Variants in UBE3A observed in about 807,000 individuals in gnomAD.
UBE3A encodes the protein ubiquitin protein ligase E3A.
UBE3A carries 6 observed loss-of-function variants against 83.4 expected under a neutral mutation model. That is an observed-to-expected ratio of 0.07 (90% CI 0.04 to 0.14). The LOEUF is 0.14. UBE3A is among the 10% of genes least tolerant of loss of function. The pLI is 1.00. For missense variants in UBE3A, 456 were observed against 1,036.1 expected, an observed-to-expected ratio of 0.44 and a Z score of 7.69; for synonymous variants, 337 against 355.4, an observed-to-expected ratio of 0.95 and a Z score of 0.58.
intron 1 of UBE3A, chr15:25,419,093 C>G (rs570090642): frequency 1.8e-4 from 27 of 152,164 alleles, no homozygotes; most frequent in African/African-American, 6.5e-4. Context: ...AATCCCTGAC[C>G]AAATGAGAGA....
intron 8 of UBE3A, 120 bp from the exon 9 acceptor site, chr15:25,356,176 G>T: frequency 1.6e-6 from 2 of 1,251,900 alleles, no homozygotes; most frequent in Non-Finnish European, 2.3e-6. Context: ...AAAAAGTGTA[G>T]ACAGTATCCC....
At chr15:25,420,779 A>G (rs2153149809) in intron 1 of UBE3A, 1 of 152,328 alleles carries the variant, frequency 6.6e-6, no homozygotes, top group South Asian at 2.1e-4. Context: ...TACAATTACC[A>G]CATGACCCAG....
At chr15:25,363,604 T>G (rs1416118742) in intron 6 of UBE3A, among the ~76,000 whole-genome samples, 1 of 152,192 alleles carries the variant, frequency 6.6e-6, no homozygotes, top group Non-Finnish European at 1.5e-5. Flanking sequence ...ACAGAGATAC[T>G]AATCCAGGAA....
intron 5 of UBE3A, among the ~76,000 whole-genome samples, chr15:25,372,156 T>C (rs2080402075): frequency 6.6e-6 from 1 of 152,228 alleles, no homozygotes; most frequent in African/African-American, 2.4e-5. Flanking sequence ...TGTCATGTAC[T>C]GATTAATCAT....
chr15:25,397,715 C>T (rs1043590642), intron 4 of UBE3A, among the ~76,000 whole-genome samples: 1 of 152,164 alleles, frequency 6.6e-6, no homozygotes, highest in African/African-American at 2.4e-5. Flanking sequence ...ATTTGAAACT[C>T]ATGTCATCTA....
chr15:25,360,992 T>C (rs1486168390), intron 6 of UBE3A, among the ~76,000 whole-genome samples: 5 of 152,140 alleles, frequency 3.3e-5, no homozygotes, highest in African/African-American at 9.7e-5. Flanking sequence ...AAAAATACAC[T>C]GAATACTAAA....
At chr15:25,391,048 T>C (rs12592675) in intron 4 of UBE3A, among the ~76,000 whole-genome samples, 146,612 of 152,264 alleles carry the variant, frequency 0.96, 70,824 homozygotes, top group East Asian at 1. Flanking sequence ...AATATTTGTA[T>C]ACCCATGTTT....
intron 1 of UBE3A, chr15:25,438,067 AAT>A (rs1342860848): frequency 6.6e-6 from 1 of 152,328 alleles, no homozygotes; most frequent in Non-Finnish European, 1.5e-5. Context: ...CACACGGCTA[AAT>A]ATGTCTTCCC....
chr15:25,407,313 CTT>C (rs1453302394), intron 3 of UBE3A: 33 of 1,013,176 alleles, frequency 3.3e-5, no homozygotes, highest in Non-Finnish European at 3.9e-5. Flanking sequence ...GGCAGCAAAA[CTT>C]TCAAAATTAA....
intron 1 of UBE3A, chr15:25,418,208 G>C (rs1880628457): frequency 6.6e-6 from 1 of 152,030 alleles, no homozygotes; most frequent in African/African-American, 2.4e-5. Flanking sequence ...TGATCTCGTT[G>C]ACTGAAATGT....
intron 1 of UBE3A, among the ~76,000 whole-genome samples, chr15:25,437,444 G>A (rs1170743690): frequency 6.6e-6 from 1 of 151,884 alleles, no homozygotes; most frequent in African/African-American, 2.4e-5. Flanking sequence ...TAAACTTTAG[G>A]TCGTCTCCCA....
At chr15:25,424,229 T>C (rs1056952205) in intron 1 of UBE3A, among the ~76,000 whole-genome samples, 10 of 152,052 alleles carry the variant, frequency 6.6e-5, no homozygotes, top group Admixed American at 5.2e-4. Flanking sequence ...ACACCTCGAG[T>C]TCTTCAAACA....
At chr15:25,433,417 A>T (rs566029283) in intron 1 of UBE3A, among the ~76,000 whole-genome samples, 1 of 151,920 alleles carries the variant, frequency 6.6e-6, no homozygotes, top group South Asian at 2.1e-4. Context: ...CGATCTCCTG[A>T]TCTCGTGATC....
At chr15:25,409,232 T>A in intron 2 of UBE3A, 25 bp from the exon 3 acceptor site, 2 of 827,280 alleles carry the variant, frequency 2.4e-6, no homozygotes, top group Non-Finnish European at 3.9e-6. Flanking sequence ...AAACCTTTGG[T>A]TAGAACACTT....
intron 1 of UBE3A, among the ~76,000 whole-genome samples, chr15:25,430,325 T>A (rs1376837921): frequency 1.8e-5 from 2 of 109,662 alleles, no homozygotes; most frequent in African/African-American, 7.0e-5. Context: ...ATATATATAT[T>A]ATATATATAA....
At position 25,338,127 on chromosome 15, in the gene UBE3A, G is replaced by A. The variant is rs183905650; in HGVS notation, c.*1010C>T. ...TGATTCAACAAGATGATGGCAACAC[G>A]AAGGGGAGACTTTGGATTGTCTATT... On this transcript the variant is annotated 3_prime_UTR_variant, in exon 13 of 13. Coordinates refer to ENST00000648336, the MANE Select transcript of UBE3A (RefSeq NM_130839.5). The A allele has an allele frequency of 1.5e-4, 23 of 152,220 alleles. No homozygotes were observed. The highest frequency in any genetic ancestry group is 8.5e-4 in the Admixed American group (13 of 15,286). The allele number at this position is 152,220 out of a possible 1,614,324, so 9.4% of individuals were successfully genotyped here. A position where few individuals can be genotyped will look rare whatever the true frequency, so the allele number is the denominator to read the frequency against.
Position 25,419,771 on chromosome 15 carries a change from T to C in UBE3A, c.-164-7800A>G, listed in dbSNP as rs1261357953. On this transcript the variant is annotated intron_variant, in intron 1 of 12. Transcript: ENST00000648336. The stretch of plus-strand genomic sequence containing the variant: ...ACCAAAAAGAATGAGGGAGAGTAAA[T>C]GGATGTATACTATTCCAAAATTCTT... Among the ~76,000 whole-genome samples the C allele has an allele frequency of 2.6e-5, 4 of 151,926 alleles. No individual in the cohort carries two copies. In the East Asian group the frequency reaches 5.8e-4, roughly 22 times the overall value.
chr15:25,361,282 C>T (rs968548008), intron 6 of UBE3A, among the ~76,000 whole-genome samples: 5 of 152,030 alleles, frequency 3.3e-5, no homozygotes, highest in African/African-American at 4.8e-5. Flanking sequence ...GGCGCCACTA[C>T]GCCTGGCTAA....
intron 1 of UBE3A, among the ~76,000 whole-genome samples, chr15:25,416,357 T>G (rs1174147335): frequency 1.3e-5 from 2 of 152,202 alleles, no homozygotes; most frequent in Non-Finnish European, 2.9e-5. Flanking sequence ...CATAAACAAT[T>G]ACTACAACCA....
Sources: gnomAD v4.1 joint callset for allele counts (sites outside exome capture counted in the v4.1 genomes callset) on GRCh38, gnomAD v4.1.1 for gene constraint, MANE v1.5 for transcripts, NCBI Gene and HGNC (gene_info 2026-07-23, HGNC 2026-07-21) for gene names.